The following FBXO36 variants were observed in gnomAD, a reference collection of about 807,000 sequenced individuals.
FBXO36 encodes F-box protein 36.
In FBXO36, 18 loss-of-function variants were observed where a neutral mutation model predicts 17.0. That is an observed-to-expected ratio of 1.06 (90% confidence interval 0.73 to 1.57). FBXO36 has a LOEUF of 1.57. Ranked by LOEUF, FBXO36 falls within the 40% of genes most tolerant of loss-of-function variation. The pLI is 0.00. For missense variants in FBXO36, 229 were observed against 221.9 expected (o/e 1.03, Z -0.20); for synonymous variants, 83 against 85.3 (o/e 0.97, Z 0.15).
intron 2 of FBXO36, among the ~76,000 whole-genome samples, chr2:229,984,583 T>C (rs1577355275): frequency 6.6e-6 from 1 of 151,114 alleles, no homozygotes; most frequent in African/African-American, 2.4e-5. Flanking sequence ...AGAGACGGGG[T>C]TTTACCATGT....
In FBXO36 at chr2:229,972,904, A is replaced by G. The variant is rs574465169; in HGVS notation, c.97-3337A>G. 2.0e-5 allele frequency among the ~76,000 whole-genome samples: 3 copies of G among 152,056 alleles called. No individual in the cohort carries two copies. The South Asian group carries it at 6.2e-4, about 32-fold the overall frequency. On this transcript the variant is annotated intron_variant, in intron 1 of 3. Transcript: ENST00000283946. ...TGGTGAAACCCTGTCTCTACTAAAA[A>G]TACAAAAATTAGCCAGGCGTGGTGG...
At chr2:229,998,800 A>ATTT (rs1157314161) in intron 3 of FBXO36, among the ~76,000 whole-genome samples, 2 of 132,198 alleles carry the variant, frequency 1.5e-5, no homozygotes, top group African/African-American at 2.8e-5. Context: ...AAAAAACATA[A>ATTT]TTTTTTTTTT....
chr2:229,940,222 G>C (rs1354150942), intron 1 of FBXO36, among the ~76,000 whole-genome samples: 1 of 152,180 alleles, frequency 6.6e-6, no homozygotes, highest in Admixed American at 6.5e-5. Flanking sequence ...TTATATAAGT[G>C]AAATAATTAT....
chr2:229,939,157 G>A (rs1197538334), intron 1 of FBXO36: 2 of 870,354 alleles, frequency 2.3e-6, no homozygotes, highest in African/African-American at 3.8e-5. Context: ...GGGTTCAAGC[G>A]ATTCTCCTGC....
chr2:229,923,445 T>TG (rs1447164202), intron 1 of FBXO36, among the ~76,000 whole-genome samples: 1 of 152,238 alleles, frequency 6.6e-6, no homozygotes, highest in African/African-American at 2.4e-5. Context: ...TCATGCACCC[T>TG]GCCCTTTCAA....
In FBXO36 at chr2:229,999,487, G is replaced by A. The variant is rs899681769; in HGVS notation, c.378+2564G>A. On this transcript the variant is annotated intron_variant, in intron 3 of 3. Transcript: ENST00000283946. ...ATTCCTTTTGAGAGTGTGTGTGTGT[G>A]TATATATATATGTATATATATATAT... 8.2e-5 allele frequency among the ~76,000 whole-genome samples: 12 copies of A among 146,852 alleles called. No homozygotes were observed. The East Asian group carries it at 1.2e-3, about 14-fold the overall frequency.
chr2:229,962,227 AT>A (rs1162168431), intron 1 of FBXO36, among the ~76,000 whole-genome samples: 1 of 151,712 alleles, frequency 6.6e-6, no homozygotes, highest in African/African-American at 2.4e-5. Flanking sequence ...ATTTTTAGGT[AT>A]TTTATTGTTT....
chr2:229,966,428 C>G (rs1029535529), intron 1 of FBXO36, among the ~76,000 whole-genome samples: 12 of 152,006 alleles, frequency 7.9e-5, no homozygotes, highest in African/African-American at 1.7e-4. Flanking sequence ...CATTGCTTTT[C>G]GTGTTTTAGA....
intron 3 of FBXO36, among the ~76,000 whole-genome samples, chr2:230,006,992 C>T (rs1442935305): frequency 6.6e-6 from 1 of 152,224 alleles, no homozygotes; most frequent in East Asian, 1.9e-4. Context: ...TGCCTTTGCT[C>T]TGATTCTATG....
chr2:229,973,276 A>G (rs1577349149), intron 1 of FBXO36: 1 of 152,142 alleles, frequency 6.6e-6, no homozygotes, highest in African/African-American at 2.4e-5. Context: ...AAAATCACCA[A>G]TTTGAGAAAA....
chr2:229,943,057 G>A (rs62191702), intron 1 of FBXO36: 38,257 of 152,224 alleles, frequency 0.25, 5,970 homozygotes, highest in Middle Eastern at 0.44. Flanking sequence ...AAGCCAATGA[G>A]ATGCTTAAGA....
At chr2:229,988,768 T>G (rs546489675) in intron 2 of FBXO36, among the ~76,000 whole-genome samples, 13 of 151,614 alleles carry the variant, frequency 8.6e-5, no homozygotes, top group Non-Finnish European at 1.9e-4. Flanking sequence ...ACTCCTGACC[T>G]CAGGTGACCT....
At chr2:229,941,363 G>A (rs2076997896) in intron 1 of FBXO36, among the ~76,000 whole-genome samples, 1 of 152,136 alleles carries the variant, frequency 6.6e-6, no homozygotes, top group Admixed American at 6.6e-5. Context: ...GCTGAGGCAG[G>A]AGAATTGCTT....
intron 2 of FBXO36, among the ~76,000 whole-genome samples, chr2:229,995,012 G>T (rs574719228): frequency 2.0e-5 from 3 of 152,222 alleles, no homozygotes; most frequent in Admixed American, 2.0e-4. Flanking sequence ...TACTCAGGAG[G>T]CTGAGGCAGG....
intron 1 of FBXO36, among the ~76,000 whole-genome samples, chr2:229,958,285 G>A (rs1475017786): frequency 4.9e-4 from 7 of 14,246 alleles, no homozygotes; most frequent in African/African-American, 1.9e-3. Flanking sequence ...TTTTTTTTTT[G>A]AGTCAGAGTC....
chr2:229,974,512 G>A (rs2077197605), intron 1 of FBXO36, among the ~76,000 whole-genome samples: 1 of 152,138 alleles, frequency 6.6e-6, no homozygotes, highest in Non-Finnish European at 1.5e-5. Context: ...ATTTTTCCTT[G>A]ATGAAATGAA....
At chr2:229,943,074 C>T (rs915203391) in intron 1 of FBXO36, 1 of 152,292 alleles carries the variant, frequency 6.6e-6, no homozygotes, top group African/African-American at 2.4e-5. Context: ...AAGAAAGGCG[C>T]ACTTCCTTTA....
At chr2:230,008,230 G>A (rs935435110) in intron 3 of FBXO36, among the ~76,000 whole-genome samples, 51 of 152,174 alleles carry the variant, frequency 3.4e-4, no homozygotes, top group African/African-American at 1.2e-3. Context: ...ACCTGGAACA[G>A]CATCCTTCTC....
intron 1 of FBXO36, among the ~76,000 whole-genome samples, chr2:229,971,492 A>G (rs1437608623): frequency 6.6e-6 from 1 of 152,104 alleles, no homozygotes; most frequent in Non-Finnish European, 1.5e-5. Flanking sequence ...CAGGGGGAAA[A>G]AAAAATCTAC....
Sources: gnomAD v4.1 joint callset for allele counts (sites outside exome capture counted in the v4.1 genomes callset) on GRCh38, gnomAD v4.1.1 for gene constraint, MANE v1.5 for transcripts, NCBI Gene and HGNC (gene_info 2026-07-23, HGNC 2026-07-21) for gene names.